Variants in SUGCT observed in about 807,000 individuals in gnomAD.
SUGCT encodes the protein succinyl-CoA:glutarate CoA-transferase.
Under a neutral mutation model 55.0 loss-of-function variants are expected in SUGCT, and 41 were observed. The ratio of observed to expected loss-of-function variants is 0.74; its 90% CI spans 0.58 to 0.97. The LOEUF (loss-of-function observed/expected upper bound fraction) is 0.97. Ranked by LOEUF, SUGCT falls within the 50% of genes least tolerant of loss-of-function variation. SUGCT has a pLI of 0.00. For synonymous variants in SUGCT, 187 were observed against 200.4 expected (o/e 0.93, Z 0.56); for missense variants, 568 against 547.8 (o/e 1.04, Z -0.37).
intron 9 of SUGCT, among the ~76,000 whole-genome samples, chr7:40,417,108 C>T (rs942226539): frequency 5.3e-5 from 8 of 151,750 alleles, no homozygotes; most frequent in East Asian, 1.9e-4. Flanking sequence ...ATTTTCTGCT[C>T]GCCTTTCTTA....
At chr7:40,161,751 G>A (rs183691413) in intron 1 of SUGCT, among the ~76,000 whole-genome samples, 389 of 152,258 alleles carry the variant, frequency 2.6e-3, no homozygotes, top group Middle Eastern at 0.017. Context: ...GCTAACTTCA[G>A]GATGGCCCGT....
At chr7:40,414,565 C>G (rs948529209) in intron 9 of SUGCT, among the ~76,000 whole-genome samples, 1 of 151,942 alleles carries the variant, frequency 6.6e-6, no homozygotes, top group Non-Finnish European at 1.5e-5. Context: ...TGCCCCTGCC[C>G]TACATCTAAT....
the SUGCT span, among the ~76,000 whole-genome samples, chr7:40,880,033 C>T: frequency 6.6e-6 from 1 of 152,332 alleles, no homozygotes; most frequent in Non-Finnish European, 1.5e-5. Flanking sequence ...CAATAGGCCT[C>T]AATGTATAAT....
At chr7:41,016,142 G>C in the SUGCT span, among the ~76,000 whole-genome samples, 1 of 152,162 alleles carries the variant, frequency 6.6e-6, no homozygotes, top group Non-Finnish European at 1.5e-5. Flanking sequence ...CAAAGGCTTT[G>C]TAAGGGGGCA....
At chr7:40,151,917 A>G (rs568572909) in intron 1 of SUGCT, among the ~76,000 whole-genome samples, 1 of 152,174 alleles carries the variant, frequency 6.6e-6, no homozygotes, top group Non-Finnish European at 1.5e-5. Flanking sequence ...TGCTGATTGG[A>G]TGGGTCAGAG....
chr7:41,016,642 C>G, the SUGCT span, among the ~76,000 whole-genome samples: 11 of 152,314 alleles, frequency 7.2e-5, no homozygotes, highest in South Asian at 2.3e-3. Context: ...TTAACATCAT[C>G]CAGGTATTTT....
At chr7:40,862,732 T>G (rs1584555549), downstream of SUGCT, among the ~76,000 whole-genome samples, 2 of 81,728 alleles carry the variant, frequency 2.4e-5, no homozygotes, top group South Asian at 4.6e-4. Context: ...CTTTTTCTTG[T>G]TTTTTTTTTT....
At chr7:40,959,637 G>A in the SUGCT span, among the ~76,000 whole-genome samples, 2 of 152,076 alleles carry the variant, frequency 1.3e-5, no homozygotes, top group Middle Eastern at 3.4e-3. Context: ...AAGACCACTC[G>A]GCTCCCTGGC....
chr7:40,348,453 CT>C (rs1349835713), intron 9 of SUGCT, among the ~76,000 whole-genome samples: 1 of 152,112 alleles, frequency 6.6e-6, no homozygotes, highest in Non-Finnish European at 1.5e-5. Flanking sequence ...CCAGTCCTTC[CT>C]AGGGTCAGAT....
intron 1 of SUGCT, among the ~76,000 whole-genome samples, chr7:40,143,244 G>A (rs187307429): frequency 0.011 from 1,688 of 152,258 alleles, 13 homozygotes; most frequent in Non-Finnish European, 0.019. Context: ...GATGAATAAG[G>A]GCAGACTGAT....
At chr7:40,990,314 T>A in the SUGCT span, among the ~76,000 whole-genome samples, 1 of 152,250 alleles carries the variant, frequency 6.6e-6, no homozygotes, top group African/African-American at 2.4e-5. Context: ...GCAAAAGTAT[T>A]TGCAGAACTG....
At chr7:40,241,887 T>C (rs1300712695) in intron 7 of SUGCT, among the ~76,000 whole-genome samples, 1 of 137,172 alleles carries the variant, frequency 7.3e-6, no homozygotes, top group Non-Finnish European at 1.5e-5. Context: ...GCCACTGTAC[T>C]CCAGCCTGGC....
chr7:40,607,181 T>C (rs1798571514), intron 12 of SUGCT, among the ~76,000 whole-genome samples: 1 of 151,724 alleles, frequency 6.6e-6, no homozygotes, highest in Admixed American at 6.6e-5. Flanking sequence ...TATAGCTCAC[T>C]ACAGCCTCAA....
At chr7:40,332,333 G>A (rs1031281127) in intron 9 of SUGCT, among the ~76,000 whole-genome samples, 2 of 152,080 alleles carry the variant, frequency 1.3e-5, no homozygotes, top group Non-Finnish European at 2.9e-5. Flanking sequence ...ACCTGTATTA[G>A]TAGTGTGCTG....
chr7:40,586,260 A>G (rs1023028582), intron 12 of SUGCT, among the ~76,000 whole-genome samples: 8 of 152,236 alleles, frequency 5.3e-5, no homozygotes, highest in Non-Finnish European at 1.2e-4. Context: ...TATGATGATT[A>G]AAATATTCTA....
chr7:40,845,457 T>C (rs1793506703), intron 13 of SUGCT, among the ~76,000 whole-genome samples: 1 of 152,172 alleles, frequency 6.6e-6, no homozygotes, highest in Non-Finnish European at 1.5e-5. Flanking sequence ...ATTGAACAAG[T>C]TGTCCTCATA....
chr7:40,747,782 T>A (rs1389760727), intron 12 of SUGCT, among the ~76,000 whole-genome samples: 1 of 152,234 alleles, frequency 6.6e-6, no homozygotes, highest in Non-Finnish European at 1.5e-5. Flanking sequence ...TAGCCTCCAA[T>A]TGTTTTTTTT....
the SUGCT span, among the ~76,000 whole-genome samples, chr7:41,030,279 C>A: frequency 6.6e-6 from 1 of 151,764 alleles, no homozygotes; most frequent in Non-Finnish European, 1.5e-5. Flanking sequence ...CAGTGATTCA[C>A]CATCTTCTGC....
At chr7:40,784,549 T>C (rs1789923506) in intron 13 of SUGCT, among the ~76,000 whole-genome samples, 1 of 152,336 alleles carries the variant, frequency 6.6e-6, no homozygotes, top group East Asian at 1.9e-4. Flanking sequence ...ATTCTTGACC[T>C]CTTGGGCCAG....
Sources: allele counts gnomAD v4.1 joint callset (sites outside exome capture counted in the v4.1 genomes callset), GRCh38; gene constraint gnomAD v4.1.1; transcripts MANE v1.5; gene names NCBI Gene and HGNC (gene_info 2026-07-23, HGNC 2026-07-21).